Variants in DEFB1 observed in about 807,000 individuals in gnomAD.
DEFB1 encodes beta-defensin 1.
In DEFB1, 4 loss-of-function variants were observed where a neutral mutation model predicts 2.6. The observed-to-expected ratio is 1.53, with a 90% CI of 0.76 to 3.51. The LOEUF (loss-of-function observed/expected upper bound fraction) is 3.51, where lower values mean the gene tolerates loss of function less well. Ranked by LOEUF, DEFB1 falls within the 30% of genes most tolerant of loss-of-function variation. The pLI, the probability that DEFB1 is intolerant of heterozygous loss-of-function variation, is 0.01. For missense variants in DEFB1, 162 were observed against 76.9 expected (o/e 2.11, Z -4.14); for synonymous variants, 56 against 28.5 (o/e 1.96, Z -3.07).
chr8:6,875,800 C>G (rs1462603146), intron 1 of DEFB1, among the ~76,000 whole-genome samples: 1 of 152,004 alleles, frequency 6.6e-6, no homozygotes, highest in Non-Finnish European at 1.5e-5. Context: ...ACCTACTGGC[C>G]AATAGAAATG....
At chr8:6,873,555 C>T (rs775531648) in intron 1 of DEFB1, among the ~76,000 whole-genome samples, 1 of 152,194 alleles carries the variant, frequency 6.6e-6, no homozygotes, top group Non-Finnish European at 1.5e-5. Context: ...TCCTTTGCAG[C>T]AACACAGATG....
At position 6,870,647 on chromosome 8, in the gene DEFB1, C is replaced by T. The variant is rs370051048; in HGVS notation, c.*34G>A. 6.3e-7 allele frequency: 1 copy of T among 1,595,036 alleles called. No individual in the cohort carries two copies. Among genetic ancestry groups the T allele is most frequent in the Non-Finnish European group, 8.5e-7 (1 of 1,173,128 alleles). Reference sequence around the variant, plus strand: ...AAGAATGCTTATAAAAAGTTCATTTCACTTCTGCGTCATTTCTTCTGGTCA... The same window carrying T: ...AAGAATGCTTATAAAAAGTTCATTTTACTTCTGCGTCATTTCTTCTGGTCA... On this transcript the variant is annotated 3_prime_UTR_variant, in exon 2 of 2. Transcript: ENST00000297439.
chr8:6,877,929 A>G lies in DEFB1; in HGVS notation c.-72T>C. On this transcript the variant is annotated 5_prime_UTR_variant, in exon 1 of 2. Coordinates refer to ENST00000297439, the MANE Select transcript of DEFB1 (RefSeq NM_005218.4). ...TGGCTCCTTTGGAGGCTGAGCTGAC[A>G]GAGGCTTCCAGAGGCTGGAGCGTCA... 7.6e-7 allele frequency: 1 copy of G among 1,314,744 alleles called. No individual in the cohort carries two copies. The highest frequency in any genetic ancestry group is 2.3e-5 in the East Asian group (1 of 43,280). The allele number at this position is 1,314,744 out of a possible 1,614,324, so 81.4% of individuals were successfully genotyped here.
intron 1 of DEFB1, among the ~76,000 whole-genome samples, chr8:6,876,031 AC>A (rs1296628189): frequency 3.9e-5 from 6 of 152,168 alleles, no homozygotes; most frequent in Non-Finnish European, 7.3e-5. Flanking sequence ...TGCCTTTCAA[AC>A]CCTTTTGAGT....
intron 1 of DEFB1, among the ~76,000 whole-genome samples, chr8:6,875,659 C>A (rs1181065028): frequency 6.6e-6 from 1 of 152,164 alleles, no homozygotes; most frequent in African/African-American, 2.4e-5. Context: ...TTATTCACTG[C>A]TTGTGGGAGT....
At chr8:6,872,222 G>A (rs754715388) in intron 1 of DEFB1, among the ~76,000 whole-genome samples, 8 of 151,854 alleles carry the variant, frequency 5.3e-5, no homozygotes, top group South Asian at 2.1e-4. Flanking sequence ...AATGTGTTCC[G>A]CCAACCAAGG....
chr8:6,871,269 C>G (rs1806299790), intron 1 of DEFB1, among the ~76,000 whole-genome samples: 1 of 152,196 alleles, frequency 6.6e-6, no homozygotes. Context: ...GCCTTGAATC[C>G]CGGCCCCCTC....
intron 1 of DEFB1, among the ~76,000 whole-genome samples, chr8:6,876,103 A>C (rs1363312795): frequency 1.3e-5 from 2 of 152,218 alleles, no homozygotes; most frequent in Non-Finnish European, 2.9e-5. Flanking sequence ...ACATATGCAC[A>C]CACCCCAAAC....
At chr8:6,873,690 G>C (rs45622036) in intron 1 of DEFB1, among the ~76,000 whole-genome samples, 4,365 of 152,284 alleles carry the variant, frequency 0.029, 110 homozygotes, top group South Asian at 0.083. Flanking sequence ...AAAGGAGGCA[G>C]AGGAGTGTGG....
In DEFB1 at chr8:6,870,742, C is replaced by T. The variant is rs746312265; in HGVS notation, c.146G>A (p.Cys49Tyr). The change falls in exon 2 of 2, where the codon TGC (cysteine) becomes TAC (tyrosine). Residue 49 changes from cysteine to tyrosine, a missense_variant. Physicochemically the swap from Cys to Tyr is radical, Grantham distance 194 (BLOSUM62 -2). Coordinates refer to ENST00000297439, the MANE Select transcript of DEFB1 (RefSeq NM_005218.4). ...GCCTTGAATTTTGGTAAAGATCGGGCAGGCAGAATAGAGACATTGCCCTCC... is the reference window on the plus strand; with the variant it reads ...GCCTTGAATTTTGGTAAAGATCGGGTAGGCAGAATAGAGACATTGCCCTCC... ...SSGGQCLYSA[C>Y]PIFTKIQGTC... 17 of 1,614,098 alleles carry T rather than the reference C, an allele frequency of 1.1e-5. No individual in the cohort carries two copies. In the South Asian group the frequency reaches 1.9e-4, roughly 18 times the overall value.
chr8:6,877,914 G>A lies in DEFB1; in HGVS notation c.-57C>T. 6.5e-7 allele frequency: 1 copy of A among 1,536,146 alleles called. No homozygotes were observed. Among genetic ancestry groups the A allele is most frequent in the Non-Finnish European group, 9.0e-7 (1 of 1,109,566 alleles). On this transcript the variant is annotated 5_prime_UTR_variant, in exon 1 of 2. Transcript: ENST00000297439. The stretch of plus-strand genomic sequence containing the variant: ...GAACTGGGGAGACGCTGGCTCCTTT[G>A]GAGGCTGAGCTGACAGAGGCTTCCA...
rs934145729 is a variant in DEFB1 at position 6,873,515 on chromosome 8, T to C, written c.62-2689A>G. Among the ~76,000 whole-genome samples, 28 of 152,304 alleles carry C rather than the reference T, an allele frequency of 1.8e-4. No homozygotes were observed. In the South Asian group the frequency reaches 2.1e-3, roughly 11 times the overall value. ...TTCTCAAATTTAAAACGGAGGAGAC[T>C]ACGCAGCCATAAAAAAGAATGAAGG... On this transcript the variant is annotated intron_variant, in intron 1 of 1. Coordinates refer to ENST00000297439, the MANE Select transcript of DEFB1 (RefSeq NM_005218.4).
At chr8:6,876,124 G>A (rs561542064) in intron 1 of DEFB1, among the ~76,000 whole-genome samples, 1 of 152,230 alleles carries the variant, frequency 6.6e-6, no homozygotes, top group South Asian at 2.1e-4. Context: ...TGAAATATGG[G>A]TGTAATTAAA....
chr8:6,875,477 C>G (rs1194140931), intron 1 of DEFB1, among the ~76,000 whole-genome samples: 3 of 152,058 alleles, frequency 2.0e-5, no homozygotes, highest in African/African-American at 7.3e-5. Context: ...AGGTATTTTA[C>G]AAAAAATAAC....
In DEFB1 at chr8:6,877,830, T is replaced by G. The variant is rs755715533; in HGVS notation, c.28A>C (p.Thr10Pro). 22 of 1,613,124 alleles carry G rather than the reference T, an allele frequency of 1.4e-5. No individual in the cohort carries two copies. The highest frequency in any genetic ancestry group is 1.7e-5 in the Non-Finnish European group (20 of 1,179,804). The part of the protein sequence containing the change: MRTSYLLLF[T>P]LCLLLSEMAS... ...ATCTCAGACAAAAGTAAGCAGAGAG[T>G]AAACAGCAGAAGGTAGGAAGTTCTC... Residue 10 changes from threonine (T) to proline (P), a missense_variant, in exon 1 of 2, where the codon ACT (threonine) becomes CCT (proline). Physicochemically the swap from Thr to Pro is conservative, Grantham distance 38. Coordinates refer to ENST00000297439, the MANE Select transcript of DEFB1 (RefSeq NM_005218.4).
At chr8:6,875,770 A>G (rs1806504060) in intron 1 of DEFB1, among the ~76,000 whole-genome samples, 1 of 152,218 alleles carries the variant, frequency 6.6e-6, no homozygotes, top group Admixed American at 6.5e-5. Context: ...TTCAGCATGT[A>G]GAAATAGAGG....
intron 1 of DEFB1, among the ~76,000 whole-genome samples, chr8:6,874,816 T>C (rs1247314546): frequency 6.6e-6 from 1 of 152,020 alleles, no homozygotes; most frequent in African/African-American, 2.4e-5. Context: ...ACCTGCTCTC[T>C]ACTAAAAATA....
intron 1 of DEFB1, among the ~76,000 whole-genome samples, chr8:6,875,756 A>G (rs767316451): frequency 6.6e-6 from 1 of 152,220 alleles, no homozygotes; most frequent in African/African-American, 2.4e-5. Context: ...CGGTGATGCA[A>G]CTTTTCAGCA....
At chr8:6,874,303 G>A (rs2117213889) in intron 1 of DEFB1, among the ~76,000 whole-genome samples, 1 of 152,294 alleles carries the variant, frequency 6.6e-6, no homozygotes, top group African/African-American at 2.4e-5. Context: ...ATTTTGAAAT[G>A]AAGAAGACCT....
Sources: gnomAD v4.1 joint callset for allele counts (sites outside exome capture counted in the v4.1 genomes callset) on GRCh38, gnomAD v4.1.1 for gene constraint, MANE v1.5 for transcripts, NCBI Gene and HGNC (gene_info 2026-07-23, HGNC 2026-07-21) for gene names.